The following IL1RAP variants were observed in gnomAD, a reference collection of about 807,000 sequenced individuals.
IL1RAP encodes interleukin-1 receptor accessory protein.
Under a neutral mutation model 60.7 loss-of-function variants are expected in IL1RAP, and 35 were observed. The observed-to-expected ratio is 0.58, with a 90% CI of 0.44 to 0.76. IL1RAP has a LOEUF of 0.76. IL1RAP is among the 30% of genes least tolerant of loss of function. The pLI is 0.00. For synonymous variants in IL1RAP, 268 were observed against 250.9 expected (o/e 1.07, Z -0.64); for missense variants, 572 against 693.9 (o/e 0.82, Z 1.97).
intron 9 of IL1RAP, among the ~76,000 whole-genome samples, chr3:190,632,158 T>C (rs911996864): frequency 3.9e-5 from 6 of 152,234 alleles, no homozygotes; most frequent in Non-Finnish European, 7.3e-5. Flanking sequence ...TGTTTAACTT[T>C]GTGAGAAACT....
At chr3:190,639,378 T>TGGC (rs1224656584) in intron 9 of IL1RAP, among the ~76,000 whole-genome samples, 1 of 152,214 alleles carries the variant, frequency 6.6e-6, no homozygotes, top group East Asian at 1.9e-4. Context: ...CAATGTATGC[T>TGGC]GGCCATTTTC....
intron 1 of IL1RAP, among the ~76,000 whole-genome samples, chr3:190,527,696 T>C (rs1319009294): frequency 2.0e-5 from 3 of 151,744 alleles, no homozygotes; most frequent in Non-Finnish European, 2.9e-5. Context: ...TTTTTTTTTT[T>C]TTTTTTTGCT....
chr3:190,593,001 G>A (rs561306307), intron 3 of IL1RAP, among the ~76,000 whole-genome samples: 1 of 152,090 alleles, frequency 6.6e-6, no homozygotes, highest in South Asian at 2.1e-4. Context: ...TACACTATTC[G>A]GAATAAAAAT....
In IL1RAP at chr3:190,649,282, G is replaced by C; in HGVS notation, c.*577G>C. 1 of 985,298 alleles carries C rather than the reference G, an allele frequency of 1.0e-6. No homozygotes were observed. Among genetic ancestry groups the C allele is most frequent in the Non-Finnish European group, 1.2e-6 (1 of 829,492 alleles). The allele number at this position is 985,298 out of a possible 1,614,324, so 61.0% of individuals were successfully genotyped here. On this transcript the variant is annotated 3_prime_UTR_variant, in exon 12 of 12. Coordinates refer to ENST00000447382, the MANE Select transcript of IL1RAP (RefSeq NM_002182.4). ...GTAACTGAAAATGTTTCTTTTAATT[G>C]ATTTAAAGGACTTGTCTTCTATACC...
intron 5 of IL1RAP, 99 bp downstream of exon 5, chr3:190,609,280 A>G: frequency 2.5e-6 from 2 of 784,486 alleles, no homozygotes; most frequent in Non-Finnish European, 4.0e-6. Context: ...GTTTCTCTTC[A>G]GATTATCTGA....
intron 1 of IL1RAP, chr3:190,520,665 A>G (rs114784011): frequency 2.0e-3 from 297 of 152,278 alleles, no homozygotes; most frequent in African/African-American, 6.7e-3. Context: ...GCATTGAAGA[A>G]TTTACATCAC....
Position 190,538,510 on chromosome 3 carries a change from T to A in IL1RAP, c.-88-17620T>A, listed in dbSNP as rs16865575. Among the ~76,000 whole-genome samples the A allele has an allele frequency of 7.6e-3, 1,151 of 152,278 alleles. 17 individuals carry two copies. Among genetic ancestry groups the A allele is most frequent in the African/African-American group, 0.026 (1,099 of 41,560 alleles). ...GGAGTGCTTTGCACACAGCAGGAGCTCTTAACTGTGTGTTGTTGAATAAAA... is the reference window on the plus strand; with the variant it reads ...GGAGTGCTTTGCACACAGCAGGAGCACTTAACTGTGTGTTGTTGAATAAAA... On this transcript the variant is annotated intron_variant, in intron 1 of 11. Transcript: ENST00000447382.
downstream of IL1RAP, among the ~76,000 whole-genome samples, chr3:190,654,198 A>ACACACACACACG (rs1247448979): frequency 1.4e-5 from 2 of 140,938 alleles, no homozygotes; most frequent in African/African-American, 6.3e-5. Flanking sequence ...TATCACACAC[A>ACACACACACACG]CACACACACA....
chr3:190,651,203 A>C lies in IL1RAP; in HGVS notation c.*2498A>C. The C allele has an allele frequency of 1.0e-6, 1 of 981,460 alleles. No individual in the cohort carries two copies. The highest frequency in any genetic ancestry group is 1.2e-6 in the Non-Finnish European group (1 of 826,312). 60.8% of individuals were successfully genotyped at this position (981,460 alleles called of 1,614,324 possible). On this transcript the variant is annotated 3_prime_UTR_variant, in exon 12 of 12. Coordinates refer to ENST00000447382, the MANE Select transcript of IL1RAP (RefSeq NM_002182.4). ...AAATTAATGGTTTTAAATATATGCT[A>C]TAGGGACGTTCCATGCCCAGGTTAA...
intron 1 of IL1RAP, among the ~76,000 whole-genome samples, chr3:190,527,313 A>T (rs1722592716): frequency 6.6e-6 from 1 of 152,192 alleles, no homozygotes; most frequent in African/African-American, 2.4e-5. Context: ...CCATGTACAA[A>T]TTTTAGTCGT....
intron 2 of IL1RAP, among the ~76,000 whole-genome samples, chr3:190,560,815 G>T (rs546474075): frequency 5.3e-5 from 8 of 152,312 alleles, no homozygotes; most frequent in Admixed American, 1.3e-4. Flanking sequence ...ATGTTAAGGT[G>T]CTGAGCACGT....
In IL1RAP at chr3:190,650,764, T is replaced by G; in HGVS notation, c.*2059T>G. 1.0e-6 allele frequency: 1 copy of G among 982,624 alleles called. No individual in the cohort carries two copies. Among genetic ancestry groups the G allele is most frequent in the Non-Finnish European group, 1.2e-6 (1 of 827,346 alleles). 60.9% of individuals were successfully genotyped at this position (982,624 alleles called of 1,614,324 possible). A position where few individuals can be genotyped will look rare whatever the true frequency, so the allele number is the denominator to read the frequency against. On this transcript the variant is annotated 3_prime_UTR_variant, in exon 12 of 12. Coordinates refer to ENST00000447382, the MANE Select transcript of IL1RAP (RefSeq NM_002182.4). ...TTAGAAACCACAATTACTCCCTCTA[T>G]TAACCCTTCACTTACTAGACCAGAA...
intron 3 of IL1RAP, among the ~76,000 whole-genome samples, chr3:190,589,489 G>A (rs184043360): frequency 1.1e-4 from 17 of 152,204 alleles, no homozygotes; most frequent in Admixed American, 3.3e-4. Flanking sequence ...CCGGCGTTTC[G>A]CAGGTGATGC....
chr3:190,558,766 G>T (rs1725646083), intron 2 of IL1RAP, among the ~76,000 whole-genome samples: 1 of 152,060 alleles, frequency 6.6e-6, no homozygotes, highest in Non-Finnish European at 1.5e-5. Flanking sequence ...ATTTTGATTG[G>T]AATTAACTAA....
rs538187354 is a variant in IL1RAP, at chr3:190,619,554, A to G, written c.538-721A>G. Among the ~76,000 whole-genome samples the G allele has an allele frequency of 1.8e-4, 27 of 152,114 alleles. No individual in the cohort carries two copies. The South Asian group carries it at 3.3e-3, about 19-fold the overall frequency. On this transcript the variant is annotated intron_variant, in intron 5 of 11. Transcript: ENST00000447382. ...AGCCTGGACAGGATGGTGTAACCCC[A>G]TCTGTACCAAAATTACAAAAATTAG...
exon 12 of IL1RAP, chr3:190,659,742 T>C (rs1734724614): frequency 6.6e-6 from 1 of 152,234 alleles, no homozygotes; most frequent in African/African-American, 2.4e-5. Flanking sequence ...GATACTATTA[T>C]CAACCTCATT....
At chr3:190,599,107 C>G (rs1207624580) in intron 3 of IL1RAP, among the ~76,000 whole-genome samples, 1 of 152,100 alleles carries the variant, frequency 6.6e-6, no homozygotes, top group Non-Finnish European at 1.5e-5. Flanking sequence ...TTTCCAATCC[C>G]TACTACCTAT....
chr3:190,558,781 T>G (rs56282068), intron 2 of IL1RAP, among the ~76,000 whole-genome samples: 13,746 of 152,208 alleles, frequency 0.09, 662 homozygotes, highest in East Asian at 0.12. Flanking sequence ...AACTAAATCT[T>G]TAGGCCATCT....
intron 1 of IL1RAP, among the ~76,000 whole-genome samples, chr3:190,539,149 T>G (rs1481061689): frequency 6.6e-6 from 1 of 152,080 alleles, no homozygotes; most frequent in African/African-American, 2.4e-5. Context: ...GAAGCTCAGG[T>G]GAGTTCATTG....
Sources: allele counts gnomAD v4.1 joint callset (sites outside exome capture counted in the v4.1 genomes callset), GRCh38; gene constraint gnomAD v4.1.1; transcripts MANE v1.5; gene names NCBI Gene and HGNC (gene_info 2026-07-23, HGNC 2026-07-21).